Variants in GABRG2 observed in about 807,000 individuals in gnomAD.
GABRG2 encodes the protein gamma-aminobutyric acid receptor subunit gamma-2.
A neutral mutation model predicts 56.4 loss-of-function variants in GABRG2; 16 were observed. That is an observed-to-expected ratio of 0.28 (90% CI 0.19 to 0.43). GABRG2 has a LOEUF of 0.43. GABRG2 is among the 20% of genes least tolerant of loss of function. The pLI, the probability that GABRG2 is intolerant of heterozygous loss-of-function variation, is 1.00. For missense variants in GABRG2, 327 were observed against 582.7 expected, an observed-to-expected ratio of 0.56 and a Z score of 4.52; for synonymous variants, 208 against 205.5, an observed-to-expected ratio of 1.01 and a Z score of -0.10.
chr5:162,149,832 T>A (rs1293462903), intron 8 of GABRG2: 14 of 346,198 alleles, frequency 4.0e-5, no homozygotes, highest in Non-Finnish European at 8.0e-5. Context: ...CAGGCTGGTC[T>A]CGAACTCCTG....
Position 162,077,345 on chromosome 5 carries a change from T to A in GABRG2, c.107+9239T>A, listed in dbSNP as rs138748673. ...GAGATATAATACTTATGCATATGAG[T>A]TCTTTTTTATTATTATGAATTCCAT... On this transcript the variant is annotated intron_variant, in intron 1 of 9. Coordinates refer to ENST00000639213, the MANE Select transcript of GABRG2 (RefSeq NM_198904.4). Among the ~76,000 whole-genome samples the A allele has an allele frequency of 4.1e-3, 624 of 152,208 alleles. 6 individuals carry two copies. Among genetic ancestry groups the A allele is most frequent in the African/African-American group, 0.014 (591 of 41,526 alleles).
At chr5:162,125,418 A>T (rs1305866747) in intron 6 of GABRG2, among the ~76,000 whole-genome samples, 1 of 143,418 alleles carries the variant, frequency 7.0e-6, no homozygotes, top group Admixed American at 6.7e-5. Flanking sequence ...CTAGTGGCTA[A>T]GTCATTTCCC....
chr5:162,108,427 C>T (rs1761991839), intron 6 of GABRG2, among the ~76,000 whole-genome samples: 1 of 152,160 alleles, frequency 6.6e-6, no homozygotes, highest in African/African-American at 2.4e-5. Flanking sequence ...ACCAGTCTTA[C>T]ACTCACATTG....
rs377592672 is a variant in GABRG2 at position 162,134,418 on chromosome 5, A to G, written c.770-7746A>G. On this transcript the variant is annotated intron_variant, in intron 6 of 9. Coordinates refer to ENST00000639213, the MANE Select transcript of GABRG2 (RefSeq NM_198904.4). The stretch of plus-strand genomic sequence containing the variant: ...ATTACTCTGCTTTGACATAACTGAC[A>G]TTAACGTACCATCCTATGTGCCAGG... Among the ~76,000 whole-genome samples the G allele has an allele frequency of 2.1e-4, 32 of 152,302 alleles. 1 individual carries two copies. The East Asian group carries it at 3.1e-3, about 15-fold the overall frequency.
chr5:162,090,283 C>A (rs911221711), intron 1 of GABRG2, among the ~76,000 whole-genome samples: 2 of 151,488 alleles, frequency 1.3e-5, no homozygotes, highest in Non-Finnish European at 2.9e-5. Context: ...CGTACACTTA[C>A]ACGTACATAT....
chr5:162,138,984 A>C (rs539603995), intron 6 of GABRG2, among the ~76,000 whole-genome samples: 2 of 152,092 alleles, frequency 1.3e-5, no homozygotes, highest in Non-Finnish European at 2.9e-5. Context: ...TTTTAAAACT[A>C]TCGTATGGTT....
intron 6 of GABRG2, among the ~76,000 whole-genome samples, chr5:162,118,099 T>C (rs1224279954): frequency 6.6e-6 from 1 of 152,034 alleles, no homozygotes; most frequent in Non-Finnish European, 1.5e-5. Context: ...TGATTTGGTA[T>C]AGCAGTTTTG....
intron 5 of GABRG2, 163 bp from the exon 6 acceptor site, chr5:162,103,726 T>C: frequency 1.4e-6 from 1 of 723,908 alleles, no homozygotes; most frequent in Admixed American, 2.4e-5. Context: ...TGCAAAGTCA[T>C]TGCAATTTAT....
intron 1 of GABRG2, among the ~76,000 whole-genome samples, chr5:162,070,609 A>C (rs1158338223): frequency 1.3e-5 from 2 of 152,046 alleles, no homozygotes; most frequent in African/African-American, 4.8e-5. Context: ...GACAAAATTT[A>C]TTAGTCTATG....
At chr5:162,109,772 C>A (rs1322583778) in intron 6 of GABRG2, among the ~76,000 whole-genome samples, 2 of 151,838 alleles carry the variant, frequency 1.3e-5, no homozygotes, top group African/African-American at 4.8e-5. Flanking sequence ...GTCATGTTGC[C>A]ACGGCCAGCT....
chr5:162,097,911 A>C (rs71612912), intron 4 of GABRG2, 53 bp downstream of exon 4: 1 of 1,456,062 alleles, frequency 6.9e-7, no homozygotes, highest in East Asian at 2.3e-5. Context: ...ACAAACAAAC[A>C]CAAAAATCAA....
At chr5:162,110,809 A>G (rs1762199121) in intron 6 of GABRG2, among the ~76,000 whole-genome samples, 1 of 152,154 alleles carries the variant, frequency 6.6e-6, no homozygotes, top group Non-Finnish European at 1.5e-5. Flanking sequence ...AAGCAGCGTA[A>G]TATCTTAAAA....
At chr5:162,100,709 C>T (rs1581357786) in intron 4 of GABRG2, among the ~76,000 whole-genome samples, 1 of 152,278 alleles carries the variant, frequency 6.6e-6, no homozygotes, top group East Asian at 1.9e-4. Context: ...ATCCTAGTGA[C>T]AGTGTAGTGT....
chr5:162,112,449 C>T (rs1191271767), intron 6 of GABRG2, among the ~76,000 whole-genome samples: 1 of 151,810 alleles, frequency 6.6e-6, no homozygotes, highest in African/African-American at 2.4e-5. Context: ...AGAATGAAGA[C>T]TGAGCCTTCA....
At chr5:162,145,020 G>C (rs989069793) in intron 7 of GABRG2, among the ~76,000 whole-genome samples, 2 of 152,162 alleles carry the variant, frequency 1.3e-5, no homozygotes, top group Admixed American at 6.5e-5. Context: ...TTAGAACCCT[G>C]CTCTAGACTT....
intron 6 of GABRG2, among the ~76,000 whole-genome samples, chr5:162,120,577 G>T (rs145906340): frequency 6.6e-6 from 1 of 152,064 alleles, no homozygotes; most frequent in Non-Finnish European, 1.5e-5. Context: ...TCTGGATGCA[G>T]CATCAGATAA....
At chr5:162,072,690 TACAC>T (rs946470967) in intron 1 of GABRG2, among the ~76,000 whole-genome samples, 4 of 151,850 alleles carry the variant, frequency 2.6e-5, no homozygotes, top group Non-Finnish European at 5.9e-5. Flanking sequence ...AATCAAATAA[TACAC>T]ACAAACACAA....
Position 162,068,022 on chromosome 5 carries a change from G to A in GABRG2, c.23G>A (p.Ser8Asn). ...GCGATGAGTTCGCCAAATATATGGA[G>A]CACAGGAAGCTCAGTCTACTCGACT... MSSPNIWSTGSSVYSTPV... is the reference protein window; with the variant it reads MSSPNIWNTGSSVYSTPV... The change falls in exon 1 of 10, where the codon AGC becomes AAC. Residue 8 changes from serine (S) to asparagine (N), a missense_variant. Transcript: ENST00000639213. The A allele has an allele frequency of 6.2e-7, 1 of 1,612,930 alleles. No homozygotes were observed. The highest frequency in any genetic ancestry group is 2.2e-5 in the East Asian group (1 of 44,814).
chr5:162,093,486 A>G (rs1760765209), intron 1 of GABRG2, among the ~76,000 whole-genome samples: 2 of 152,084 alleles, frequency 1.3e-5, no homozygotes, highest in African/African-American at 2.4e-5. Flanking sequence ...ACTACATATG[A>G]TCCTTTAACC....
Sources: gnomAD v4.1 joint callset for allele counts (sites outside exome capture counted in the v4.1 genomes callset) on GRCh38, gnomAD v4.1.1 for gene constraint, MANE v1.5 for transcripts, NCBI Gene and HGNC (gene_info 2026-07-23, HGNC 2026-07-21) for gene names.